BMPER: variants seen among roughly 807,000 people sequenced by gnomAD.
The protein encoded by BMPER is BMP binding endothelial regulator, also known as BMP-binding endothelial regulator protein.
Under a neutral mutation model 87.3 loss-of-function variants are expected in BMPER, and 45 were observed. The observed-to-expected ratio is 0.52, with a 90% confidence interval of 0.41 to 0.66. BMPER has a LOEUF of 0.66. Among genes scored for constraint, BMPER ranks in the 30% least tolerant of loss-of-function variants. The probability of loss-of-function intolerance (pLI) is 0.00; values close to 1 mark genes in which losing one functional copy is unlikely to be tolerated. For missense variants in BMPER, 784 were observed against 867.5 expected, an observed-to-expected ratio of 0.90 and a Z score of 1.21; for synonymous variants, 326 against 316.2, an observed-to-expected ratio of 1.03 and a Z score of -0.33.
chr7:33,999,106 C>T (rs982415386), intron 6 of BMPER, among the ~76,000 whole-genome samples: 4 of 152,252 alleles, frequency 2.6e-5, no homozygotes, highest in African/African-American at 4.8e-5. Flanking sequence ...GTGCTTCGCA[C>T]CATTCTCTTA....
intron 13 of BMPER, among the ~76,000 whole-genome samples, chr7:34,107,102 T>C (rs1789839142): frequency 6.6e-6 from 1 of 152,248 alleles, no homozygotes; most frequent in Admixed American, 6.5e-5. Context: ...GTCCTTTCTT[T>C]GGCTTATTTC....
chr7:33,962,188 G>A (rs900830087), intron 3 of BMPER, among the ~76,000 whole-genome samples: 3 of 152,114 alleles, frequency 2.0e-5, no homozygotes, highest in African/African-American at 7.2e-5. Context: ...GCTTAACTGT[G>A]GATTCAATTA....
intron 6 of BMPER, among the ~76,000 whole-genome samples, chr7:34,017,209 G>C (rs962176627): frequency 2.0e-5 from 3 of 151,914 alleles, no homozygotes; most frequent in African/African-American, 7.2e-5. Context: ...TCAGAATCCA[G>C]AAGTTTTAAA....
intron 6 of BMPER, among the ~76,000 whole-genome samples, chr7:33,992,519 G>A (rs1338572565): frequency 4.0e-5 from 6 of 148,700 alleles, no homozygotes; most frequent in African/African-American, 4.9e-5. Context: ...GTCTCTGCAC[G>A]TGAGATGGGT....
chr7:33,994,585 G>A (rs1375101877), intron 6 of BMPER, among the ~76,000 whole-genome samples: 4 of 152,180 alleles, frequency 2.6e-5, no homozygotes, highest in Admixed American at 6.5e-5. Flanking sequence ...CGTCTTCTGC[G>A]TCACTCACGC....
At chr7:33,972,349 G>C (rs112895431) in intron 5 of BMPER, among the ~76,000 whole-genome samples, 5 of 152,202 alleles carry the variant, frequency 3.3e-5, no homozygotes, top group African/African-American at 1.2e-4. Flanking sequence ...TTAGGAGATA[G>C]TCATATTTTC....
At chr7:33,972,796 C>T (rs1785582617) in intron 5 of BMPER, among the ~76,000 whole-genome samples, 1 of 152,230 alleles carries the variant, frequency 6.6e-6, no homozygotes, top group Non-Finnish European at 1.5e-5. Context: ...TCCTCAATTA[C>T]GGGATCATGA....
intron 10 of BMPER, among the ~76,000 whole-genome samples, chr7:34,060,490 C>T (rs2034006029): frequency 1.3e-5 from 2 of 152,210 alleles, no homozygotes; most frequent in Admixed American, 6.5e-5. Context: ...GTGATGCCCC[C>T]ACACTATGGG....
chr7:33,934,197 C>T (rs1784548498), intron 2 of BMPER, among the ~76,000 whole-genome samples: 3 of 152,114 alleles, frequency 2.0e-5, no homozygotes, highest in Admixed American at 2.0e-4. Context: ...TGTCTCTTGG[C>T]AAAATTGGGA....
intron 4 of BMPER, among the ~76,000 whole-genome samples, chr7:33,968,831 T>C (rs182899308): frequency 6.6e-6 from 1 of 152,350 alleles, no homozygotes; most frequent in East Asian, 1.9e-4. Context: ...GCTTTTAATT[T>C]CTTATGGGAA....
chr7:33,974,675 A>G (rs759653987), intron 5 of BMPER, 27 bp from the exon 6 acceptor site: 1 of 1,607,484 alleles, frequency 6.2e-7, no homozygotes, highest in Non-Finnish European at 8.5e-7. Flanking sequence ...CTGTTGCCCT[A>G]ATTCTAAACT....
chr7:33,980,861 C>T (rs1335867025), intron 6 of BMPER, among the ~76,000 whole-genome samples: 1 of 152,204 alleles, frequency 6.6e-6, no homozygotes, highest in Non-Finnish European at 1.5e-5. Context: ...CTTAGAAGCC[C>T]TGAAGTCCAT....
chr7:34,064,412 A>T (rs1363912464), intron 11 of BMPER, among the ~76,000 whole-genome samples: 1 of 152,250 alleles, frequency 6.6e-6, no homozygotes, highest in Non-Finnish European at 1.5e-5. Context: ...TTATATTATC[A>T]GTTTATTCAT....
At chr7:33,905,487 G>T (rs1307753651), upstream of BMPER, 7 of 966,790 alleles carry the variant, frequency 7.2e-6, no homozygotes, top group Admixed American at 1.9e-4. Context: ...TCGGGCGCCC[G>T]CCTCCCTCCT....
intron 7 of BMPER, among the ~76,000 whole-genome samples, chr7:34,049,765 A>T (rs1788096541): frequency 6.6e-6 from 1 of 152,242 alleles, no homozygotes; most frequent in South Asian, 2.1e-4. Flanking sequence ...CAATTAAAAA[A>T]AATTACTCAA....
At chr7:33,961,534 A>T (rs942309947) in intron 3 of BMPER, among the ~76,000 whole-genome samples, 2 of 152,222 alleles carry the variant, frequency 1.3e-5, no homozygotes, top group South Asian at 2.1e-4. Context: ...TAGTCCAGGC[A>T]GGCGAGAAAT....
chr7:34,041,913 G>A (rs909581875), intron 6 of BMPER, among the ~76,000 whole-genome samples: 2 of 152,140 alleles, frequency 1.3e-5, no homozygotes, highest in Non-Finnish European at 2.9e-5. Context: ...CCTCTTGTTA[G>A]GGAGCCAAGC....
intron 13 of BMPER, among the ~76,000 whole-genome samples, chr7:34,100,152 G>A (rs911118625): frequency 6.6e-6 from 1 of 152,200 alleles, no homozygotes; most frequent in African/African-American, 2.4e-5. Context: ...GAGATAAACA[G>A]CATGATTCCT....
chr7:34,086,305 C>T (rs1431071906), intron 13 of BMPER, among the ~76,000 whole-genome samples: 2 of 152,194 alleles, frequency 1.3e-5, no homozygotes, highest in African/African-American at 4.8e-5. Context: ...AGAGCGATGT[C>T]CTCCAGGCAA....
Sources: gnomAD v4.1 joint callset for allele counts (sites outside exome capture counted in the v4.1 genomes callset) on GRCh38, gnomAD v4.1.1 for gene constraint, MANE v1.5 for transcripts, NCBI Gene and HGNC (gene_info 2026-07-23, HGNC 2026-07-21) for gene names.